SMIM7: variants seen among roughly 807,000 people sequenced by gnomAD.
SMIM7 encodes UPF0608 protein C19orf42.
Under a neutral mutation model 13.3 loss-of-function variants are expected in SMIM7, and 12 were observed. The observed-to-expected ratio is 0.90, with a 90% confidence interval of 0.58 to 1.46. SMIM7 has a LOEUF of 1.46. Among genes scored for constraint, SMIM7 ranks in the 40% most tolerant of loss-of-function variants. The pLI is 0.00. For synonymous variants in SMIM7, 36 were observed against 35.8 expected, an observed-to-expected ratio of 1.01 and a Z score of -0.02; for missense variants, 114 against 94.8, an observed-to-expected ratio of 1.20 and a Z score of -0.84.
chr19:16,659,047 G>A (rs1271754281), intron 3 of SMIM7: 1 of 329,026 alleles, frequency 3.0e-6, no homozygotes, highest in South Asian at 3.0e-5. Flanking sequence ...CTCTTCGGGA[G>A]GCCAAGGCAG....
rs1232334075 is a variant in SMIM7, at chr19:16,646,949, TTTTTC to T, written c.*292_*296del. 12 of 489,962 alleles carry T rather than the reference TTTTTC, an allele frequency of 2.4e-5. No individual in the cohort carries two copies. The highest frequency in any genetic ancestry group is 2.2e-4 in the Admixed American group (6 of 27,754). The allele number at this position is 489,962 out of a possible 1,614,324, so 30.4% of individuals were successfully genotyped here. A position where few individuals can be genotyped will look rare whatever the true frequency, so the allele number is the denominator to read the frequency against. Reference sequence around the variant, plus strand: ...TGCTCAGATCTCTGGATAGAAATGATTTTTCTTTTATCTATGGGGAATGCAATTTC... The same window carrying T: ...TGCTCAGATCTCTGGATAGAAATGATTTTTATCTATGGGGAATGCAATTTC... On this transcript the variant is annotated 3_prime_UTR_variant, in exon 5 of 5. Coordinates refer to ENST00000487416, the MANE Select transcript of SMIM7 (RefSeq NM_024104.4).
At chr19:16,654,178 G>T in intron 3 of SMIM7, 53 bp from the exon 4 acceptor site, 1 of 1,470,940 alleles carries the variant, frequency 6.8e-7, no homozygotes, top group Non-Finnish European at 9.5e-7. Context: ...CATCCCTACT[G>T]CCACCTCAGC....
At chr19:16,659,167 C>A in intron 3 of SMIM7, 1 of 595,774 alleles carries the variant, frequency 1.7e-6, no homozygotes, top group Middle Eastern at 4.5e-4. Flanking sequence ...CCTGTAATCC[C>A]AGCTACTAAG....
intron 3 of SMIM7, among the ~76,000 whole-genome samples, chr19:16,654,636 C>T (rs1342582985): frequency 6.6e-6 from 1 of 151,982 alleles, no homozygotes; most frequent in Non-Finnish European, 1.5e-5. Flanking sequence ...CCCGCCTAAG[C>T]CTCTCAAAGT....
At chr19:16,635,899 A>AAAAAAT (rs1200181092) in intron 4 of SMIM7, among the ~76,000 whole-genome samples, 91 of 109,570 alleles carry the variant, frequency 8.3e-4, no homozygotes, top group African/African-American at 3.2e-3. Flanking sequence ...AAAAAAAAAA[A>AAAAAAT]ATATATATAT....
chr19:16,647,269 A>G lies in SMIM7; in HGVS notation c.213-8T>C, dbSNP rs747087444. The G allele has an allele frequency of 1.9e-6, 3 of 1,614,030 alleles. No individual in the cohort carries two copies. The highest frequency in any genetic ancestry group is 2.5e-6 in the Non-Finnish European group (3 of 1,180,004). ...ATTCAAGAGCCGAACAGCCTGGAGA[A>G]GTCAGAGGGCAGAAATGTCTGTGAG... On this transcript the variant is annotated splice_polypyrimidine_tract_variant and splice_region_variant and intron_variant, in intron 4 of 4. Coordinates refer to ENST00000487416, the MANE Select transcript of SMIM7 (RefSeq NM_024104.4).
intron 4 of SMIM7, chr19:16,653,010 C>A: frequency 6.5e-7 from 1 of 1,543,544 alleles, no homozygotes. Flanking sequence ...AGTCTGAATA[C>A]ATTTCTACTG....
At chr19:16,660,026 A>G in intron 1 of SMIM7, 26 bp from the exon 2 acceptor site, 1 of 1,614,028 alleles carries the variant, frequency 6.2e-7, no homozygotes, top group African/African-American at 1.3e-5. Flanking sequence ...TACAGTTACT[A>G]GGGGCGCCCC....
chr19:16,649,519 G>C (rs964766024), intron 4 of SMIM7, among the ~76,000 whole-genome samples: 1 of 152,168 alleles, frequency 6.6e-6, no homozygotes, highest in Non-Finnish European at 1.5e-5. Context: ...GTTGCAGTGA[G>C]CTGAGAACGT....
chr19:16,659,587 A>G (rs2122560344), intron 2 of SMIM7, 140 bp from the exon 3 acceptor site: 1 of 830,790 alleles, frequency 1.2e-6, no homozygotes, highest in East Asian at 2.7e-5. Flanking sequence ...CTGACGTTCA[A>G]TACCCTTCTC....
intron 4 of SMIM7, chr19:16,652,418 T>C (rs2122533604): frequency 2.3e-6 from 1 of 434,374 alleles, no homozygotes; most frequent in Non-Finnish European, 3.1e-6. Flanking sequence ...CCCAGGCTGG[T>C]CTTGAACTCC....
chr19:16,638,372 C>T (rs370139490), intron 4 of SMIM7, among the ~76,000 whole-genome samples: 25 of 147,062 alleles, frequency 1.7e-4, no homozygotes, highest in Middle Eastern at 3.7e-3. Context: ...GGCACGATCT[C>T]GGCTCACTGC....
At chr19:16,635,362 CAAA>C (rs34121937) in intron 4 of SMIM7, 5 of 95,468 alleles carry the variant, frequency 5.2e-5, no homozygotes, top group Non-Finnish European at 8.9e-5. Context: ...GACACCATCT[CAAA>C]AAAAAAAAAA....
chr19:16,644,906 T>A (rs1435822104), downstream of SMIM7: 1 of 152,192 alleles, frequency 6.6e-6, no homozygotes, highest in African/African-American at 2.4e-5. Flanking sequence ...AGGCACACAC[T>A]ACTTGCAGGC....
At chr19:16,659,140 T>G in intron 3 of SMIM7, 1 of 545,632 alleles carries the variant, frequency 1.8e-6, no homozygotes, top group Non-Finnish European at 3.3e-6. Flanking sequence ...AAATTTAGCC[T>G]GGCATGGTGG....
In SMIM7 at chr19:16,647,255, G is replaced by C; in HGVS notation, c.219C>G (p.Phe73Leu). The C allele has an allele frequency of 1.2e-6, 2 of 1,613,988 alleles. No homozygotes were observed. Among genetic ancestry groups the C allele is most frequent in the Non-Finnish European group, 1.7e-6 (2 of 1,180,010 alleles). The change falls in exon 5 of 5, where the codon TTC (phenylalanine) becomes TTG (leucine). Residue 73 changes from phenylalanine to leucine, a missense_variant. By Grantham distance (22) the Phe-to-Leu change is conservative (BLOSUM62 0). Coordinates refer to ENST00000487416, the MANE Select transcript of SMIM7 (RefSeq NM_024104.4). ...GTTTCATCGCTGGGATTCAAGAGCCGAACAGCCTGGAGAAGTCAGAGGGCA... is the reference window on the plus strand; with the variant it reads ...GTTTCATCGCTGGGATTCAAGAGCCCAACAGCCTGGAGAAGTCAGAGGGCA... ...IFMMFCMIVL[F>L]GS
At chr19:16,636,861 G>A (rs1170444806) in intron 4 of SMIM7, among the ~76,000 whole-genome samples, 1 of 152,186 alleles carries the variant, frequency 6.6e-6, no homozygotes, top group Non-Finnish European at 1.5e-5. Flanking sequence ...GCTGATGTGG[G>A]AGGACAGCTT....
At chr19:16,638,294 C>CT (rs1454229622) in intron 4 of SMIM7, among the ~76,000 whole-genome samples, 3 of 138,164 alleles carry the variant, frequency 2.2e-5, no homozygotes, top group Admixed American at 7.4e-5. Context: ...AACCTCTTTT[C>CT]TTTTTTCTTT....
At chr19:16,656,609 G>C (rs1393328273) in intron 3 of SMIM7, among the ~76,000 whole-genome samples, 1 of 151,352 alleles carries the variant, frequency 6.6e-6, no homozygotes, top group African/African-American at 2.4e-5. Context: ...TAAAAAAAAA[G>C]CCTTTCCAGC....
Sources: gnomAD v4.1 joint callset for allele counts (sites outside exome capture counted in the v4.1 genomes callset) on GRCh38, gnomAD v4.1.1 for gene constraint, MANE v1.5 for transcripts, NCBI Gene and HGNC (gene_info 2026-07-23, HGNC 2026-07-21) for gene names.